Variants in RPTOR observed in about 807,000 individuals in gnomAD.
RPTOR encodes the protein regulatory associated protein of MTOR complex 1.
Under a neutral mutation model 169.9 loss-of-function variants are expected in RPTOR, and 21 were observed. That is an observed-to-expected ratio of 0.12 (90% CI 0.09 to 0.18). RPTOR has a LOEUF of 0.18. Ranked by LOEUF, RPTOR falls within the 10% of genes least tolerant of loss-of-function variation. The pLI, the probability that RPTOR is intolerant of heterozygous loss-of-function variation, is 1.00. For synonymous variants in RPTOR, 732 were observed against 753.2 expected (o/e 0.97, Z 0.46); for missense variants, 1,133 against 1,855.9 (o/e 0.61, Z 7.16).
chr17:80,554,134 T>C (rs1221119971), intron 1 of RPTOR, among the ~76,000 whole-genome samples: 1 of 152,122 alleles, frequency 6.6e-6, no homozygotes, highest in East Asian at 1.9e-4. Context: ...CAAGTGATCC[T>C]CCTGCCTCAG....
At chr17:80,575,647 G>A (rs1300334988) in intron 1 of RPTOR, among the ~76,000 whole-genome samples, 1 of 152,168 alleles carries the variant, frequency 6.6e-6, no homozygotes, top group African/African-American at 2.4e-5. Context: ...GTCAGTTTTT[G>A]TAAATGTTCC....
intron 3 of RPTOR, among the ~76,000 whole-genome samples, chr17:80,655,979 G>A (rs2143635061): frequency 6.6e-6 from 1 of 152,202 alleles, no homozygotes; most frequent in East Asian, 1.9e-4. Context: ...ACATCAGCCT[G>A]TGGCCTCCTT....
chr17:80,569,485 A>T (rs2064880143), intron 1 of RPTOR, among the ~76,000 whole-genome samples: 1 of 152,172 alleles, frequency 6.6e-6, no homozygotes, highest in South Asian at 2.1e-4. Flanking sequence ...AGGTTGTGCC[A>T]TTGTACTCCA....
intron 6 of RPTOR, among the ~76,000 whole-genome samples, chr17:80,790,579 C>A (rs2067037329): frequency 6.6e-6 from 1 of 152,158 alleles, no homozygotes; most frequent in African/African-American, 2.4e-5. Context: ...GCCACGTCTC[C>A]CCCGAACGTG....
intron 3 of RPTOR, among the ~76,000 whole-genome samples, chr17:80,692,120 T>G (rs1171927386): frequency 4.6e-5 from 7 of 152,134 alleles, no homozygotes; most frequent in African/African-American, 1.7e-4. Flanking sequence ...GTATTTTTAT[T>G]TATTTATTTT....
At chr17:80,800,615 G>C (rs563725174) in intron 7 of RPTOR, among the ~76,000 whole-genome samples, 191 of 152,320 alleles carry the variant, frequency 1.3e-3, no homozygotes, top group Non-Finnish European at 2.3e-3. Flanking sequence ...CTAGCAGCCT[G>C]ATGAATAAGC....
At chr17:80,681,879 A>G (rs1001718451) in intron 3 of RPTOR, among the ~76,000 whole-genome samples, 1 of 151,798 alleles carries the variant, frequency 6.6e-6, no homozygotes, top group African/African-American at 2.4e-5. Context: ...CGTAGTTACA[A>G]TCTCTCCTGT....
In RPTOR at chr17:80,671,052, C is replaced by T. The variant is rs151217069; in HGVS notation, c.348+27242C>T. Reference sequence around the variant, plus strand: ...CCTGGGAAGAGCGTGGGCCCTGGAGCGTGGCCCAGTATTTCCTCTTCTGTT... The same window carrying T: ...CCTGGGAAGAGCGTGGGCCCTGGAGTGTGGCCCAGTATTTCCTCTTCTGTT... On this transcript the variant is annotated intron_variant, in intron 3 of 33. Coordinates refer to ENST00000306801, the MANE Select transcript of RPTOR (RefSeq NM_020761.3). 1.9e-3 allele frequency among the ~76,000 whole-genome samples: 295 copies of T among 152,142 alleles called. 1 individual carries two copies. The highest frequency in any genetic ancestry group is 3.6e-3 in the Non-Finnish European group (244 of 67,984).
At chr17:80,897,828 G>A (rs561875177) in intron 20 of RPTOR, among the ~76,000 whole-genome samples, 2 of 152,310 alleles carry the variant, frequency 1.3e-5, no homozygotes, top group South Asian at 4.1e-4. Context: ...GGGCAGCAGA[G>A]GTTGCAGTGA....
chr17:80,899,519 A>C (rs571762373), intron 20 of RPTOR, among the ~76,000 whole-genome samples: 42 of 152,318 alleles, frequency 2.8e-4, no homozygotes, highest in African/African-American at 9.6e-4. Context: ...CGCCTCCAGC[A>C]GGTTAGTGCC....
At chr17:80,645,858 G>A (rs984137058) in intron 3 of RPTOR, among the ~76,000 whole-genome samples, 32 of 152,168 alleles carry the variant, frequency 2.1e-4, no homozygotes, top group African/African-American at 7.0e-4. Context: ...AGTTGTATTC[G>A]GACAGCGAGC....
intron 29 of RPTOR, among the ~76,000 whole-genome samples, chr17:80,958,094 G>A (rs549405723): frequency 7.1e-6 from 1 of 141,674 alleles, no homozygotes; most frequent in Non-Finnish European, 1.5e-5. Context: ...CTTTTGAGAT[G>A]GGGTCTCACT....
At chr17:80,871,272 A>AT (rs1304358513) in intron 13 of RPTOR, among the ~76,000 whole-genome samples, 3 of 151,968 alleles carry the variant, frequency 2.0e-5, no homozygotes, top group East Asian at 3.9e-4. Flanking sequence ...CGCCCGGCTA[A>AT]TTTTTTTGTA....
chr17:80,748,670 A>G (rs2930781), intron 5 of RPTOR, among the ~76,000 whole-genome samples: 55 of 70,492 alleles, frequency 7.8e-4, no homozygotes, highest in South Asian at 1.9e-3. Context: ...GGATGGAGGG[A>G]CTGCGGTGTG....
At chr17:80,672,633 A>G (rs1324990820) in intron 3 of RPTOR, among the ~76,000 whole-genome samples, 1 of 152,072 alleles carries the variant, frequency 6.6e-6, no homozygotes, top group Non-Finnish European at 1.5e-5. Flanking sequence ...TACTAAAAAC[A>G]GAAAAAATTA....
rs1280497630 is a variant in RPTOR at position 80,908,791 on chromosome 17, C to T, written c.2402-20C>T. The T allele has an allele frequency of 4.4e-6, 7 of 1,577,892 alleles. No homozygotes were observed. Among genetic ancestry groups the T allele is most frequent in the African/African-American group, 1.3e-5 (1 of 74,382 alleles). Reference sequence around the variant, plus strand: ...TGGCAGCTACTTTCCACTAAAACATCTTCCATTTCTCTCTCTCAGGAGTTT... The same window carrying T: ...TGGCAGCTACTTTCCACTAAAACATTTTCCATTTCTCTCTCTCAGGAGTTT... On this transcript the variant is annotated intron_variant, in intron 20 of 33. Transcript: ENST00000306801.
chr17:80,590,022 C>T (rs776840204), intron 1 of RPTOR, among the ~76,000 whole-genome samples: 5 of 152,194 alleles, frequency 3.3e-5, no homozygotes, highest in Admixed American at 1.3e-4. Flanking sequence ...GAGCTAATTT[C>T]GTAGGCAATC....
chr17:80,813,823 G>T (rs1441206976), intron 7 of RPTOR, among the ~76,000 whole-genome samples: 1 of 152,176 alleles, frequency 6.6e-6, no homozygotes, highest in Non-Finnish European at 1.5e-5. Flanking sequence ...AATCTGAGAT[G>T]ATATAAATTT....
At chr17:80,854,918 AAGT>A (rs1466771044) in intron 11 of RPTOR, among the ~76,000 whole-genome samples, 4 of 152,212 alleles carry the variant, frequency 2.6e-5, no homozygotes, top group Admixed American at 2.0e-4. Flanking sequence ...AAAATGGTAA[AAGT>A]AGGAACATTT....
Sources: gnomAD v4.1 joint callset for allele counts (sites outside exome capture counted in the v4.1 genomes callset) on GRCh38, gnomAD v4.1.1 for gene constraint, MANE v1.5 for transcripts, NCBI Gene and HGNC (gene_info 2026-07-23, HGNC 2026-07-21) for gene names.